RHOBTB2: variants seen among roughly 807,000 people sequenced by gnomAD.
The protein encoded by RHOBTB2 is Rho related BTB domain containing 2.
A neutral mutation model predicts 66.5 loss-of-function variants in RHOBTB2; 39 were observed. The observed-to-expected ratio is 0.59, with a 90% CI of 0.45 to 0.77. The LOEUF (loss-of-function observed/expected upper bound fraction) is 0.77. Ranked by LOEUF, RHOBTB2 falls within the 30% of genes least tolerant of loss-of-function variation. The pLI is 0.00. For synonymous variants in RHOBTB2, 390 were observed against 395.0 expected, an observed-to-expected ratio of 0.99 and a Z score of 0.15; for missense variants, 755 against 999.1, an observed-to-expected ratio of 0.76 and a Z score of 3.29.
chr8:22,978,928 G>A, the RHOBTB2 span, among the ~76,000 whole-genome samples: 1 of 152,054 alleles, frequency 6.6e-6, no homozygotes, highest in Non-Finnish European at 1.5e-5. Context: ...TTTACAGAAA[G>A]TAGTTCCCTG....
chr8:22,974,746 C>T, the RHOBTB2 span, among the ~76,000 whole-genome samples: 1 of 152,100 alleles, frequency 6.6e-6, no homozygotes. Flanking sequence ...ATCACATGAC[C>T]AGCAGGGGGA....
At position 23,006,113 on chromosome 8, in the gene RHOBTB2, G is replaced by T. The variant is rs1810942232; in HGVS notation, c.450G>T (p.Glu150Asp). Reference sequence around the variant, plus strand: ...TGGACCTGCGCTACGCTGACCTGGAGGCTGTCAACAGGGCTAGGCGACCCT... The same window carrying T: ...TGGACCTGCGCTACGCTGACCTGGATGCTGTCAACAGGGCTAGGCGACCCT... Reference protein sequence around the residue: ...CQLDLRYADLEAVNRARRPLA... With the variant: ...CQLDLRYADLDAVNRARRPLA... Residue 150 changes from glutamate (E) to aspartate (D), a missense_variant, in exon 4 of 10, where the codon GAG becomes GAT. Glu to Asp is a conservative substitution (Grantham distance 45). This residue lies in a region of RHOBTB2 where 20 missense variants were observed against 59.0 expected (regional missense o/e 0.34). Coordinates refer to ENST00000251822, the MANE Select transcript of RHOBTB2 (RefSeq NM_015178.3). The surrounding 1 kb of genome is among the most constrained non-coding windows in gnomAD (Gnocchi z 6.1). The T allele has an allele frequency of 6.2e-7, 1 of 1,613,914 alleles. No homozygotes were observed. The highest frequency in any genetic ancestry group is 1.1e-5 in the South Asian group (1 of 91,064).
intron 8 of RHOBTB2, among the ~76,000 whole-genome samples, chr8:23,015,423 AGAT>A (rs1270895882): frequency 6.6e-6 from 1 of 151,996 alleles, no homozygotes; most frequent in Non-Finnish European, 1.5e-5. Context: ...AACAGAGGTG[AGAT>A]GATGGTGGTG....
chr8:22,965,209 T>C, the RHOBTB2 span, among the ~76,000 whole-genome samples: 2 of 152,190 alleles, frequency 1.3e-5, no homozygotes, highest in Non-Finnish European at 2.9e-5. Flanking sequence ...TGCTATAGAC[T>C]AACCCAAATA....
At chr8:22,974,955 G>A in the RHOBTB2 span, among the ~76,000 whole-genome samples, 7 of 152,062 alleles carry the variant, frequency 4.6e-5, no homozygotes, top group African/African-American at 1.4e-4. Context: ...GTTATCTCCT[G>A]GATCAATGTT....
At chr8:22,968,869 G>A in the RHOBTB2 span, among the ~76,000 whole-genome samples, 1 of 151,110 alleles carries the variant, frequency 6.6e-6, no homozygotes, top group Non-Finnish European at 1.5e-5. Context: ...ATATTGGAGA[G>A]GGAAAGGCCT....
At chr8:22,978,576 T>C in the RHOBTB2 span, among the ~76,000 whole-genome samples, 12 of 150,926 alleles carry the variant, frequency 8.0e-5, no homozygotes, top group Non-Finnish European at 1.0e-4. Context: ...TATTGTACTT[T>C]TTTTTTTTTT....
intron 7 of RHOBTB2, among the ~76,000 whole-genome samples, chr8:23,012,868 A>G (rs1256834286): frequency 2.6e-5 from 4 of 152,090 alleles, no homozygotes; most frequent in African/African-American, 9.7e-5. Context: ...CAGTGGTGCA[A>G]TCCTGGCTCA....
At chr8:22,961,015 A>G in the RHOBTB2 span, among the ~76,000 whole-genome samples, 1 of 152,146 alleles carries the variant, frequency 6.6e-6, no homozygotes, top group Admixed American at 6.6e-5. Context: ...AATTTGGCCT[A>G]AGAATGCTTC....
At chr8:22,993,177 G>A (rs1023975156) in intron 2 of RHOBTB2, among the ~76,000 whole-genome samples, 2 of 151,964 alleles carry the variant, frequency 1.3e-5, no homozygotes, top group African/African-American at 4.8e-5. Flanking sequence ...TTTTTGAGGG[G>A]AGAATGTGTT....
At chr8:23,016,954 AC>A (rs1298030587) in intron 9 of RHOBTB2, among the ~76,000 whole-genome samples, 4 of 151,982 alleles carry the variant, frequency 2.6e-5, no homozygotes, top group Non-Finnish European at 5.9e-5. Context: ...ACATTCGCTT[AC>A]CCCTTCTCCC....
At chr8:22,971,588 C>A in the RHOBTB2 span, among the ~76,000 whole-genome samples, 4 of 152,198 alleles carry the variant, frequency 2.6e-5, no homozygotes, top group East Asian at 7.7e-4. Context: ...AAGAACAAGG[C>A]CAGCTTGTTC....
chr8:22,958,802 GAAAAAAAA>G, the RHOBTB2 span, among the ~76,000 whole-genome samples: 171 of 52,180 alleles, frequency 3.3e-3, 1 homozygote, highest in African/African-American at 0.012. Context: ...GCCCCTCTCT[GAAAAAAAA>G]AAAAAAAAAA....
upstream of RHOBTB2, among the ~76,000 whole-genome samples, chr8:22,995,106 T>A (rs531876607): frequency 7.9e-5 from 12 of 152,252 alleles, no homozygotes; most frequent in South Asian, 1.4e-3. Flanking sequence ...TTTTAAAAAT[T>A]TTTTTTAATA....
chr8:22,956,509 C>A, the RHOBTB2 span, among the ~76,000 whole-genome samples: 2 of 152,172 alleles, frequency 1.3e-5, no homozygotes, highest in African/African-American at 4.8e-5. Flanking sequence ...GCTCACTCCC[C>A]CTTTGCCTTC....
At chr8:23,009,176 G>GAGAGAA (rs1554504936) in intron 6 of RHOBTB2, among the ~76,000 whole-genome samples, 2 of 139,216 alleles carry the variant, frequency 1.4e-5, no homozygotes, top group Non-Finnish European at 3.1e-5. Context: ...AAAAAAGAGA[G>GAGAGAA]AGAGAGAGAA....
the RHOBTB2 span, among the ~76,000 whole-genome samples, chr8:22,975,591 T>C: frequency 2.0e-5 from 3 of 152,112 alleles, no homozygotes; most frequent in Non-Finnish European, 2.9e-5. Context: ...AGAACTAGGC[T>C]TGGACTAGAG....
chr8:22,979,692 T>TC, the RHOBTB2 span, among the ~76,000 whole-genome samples: 1 of 151,164 alleles, frequency 6.6e-6, no homozygotes. Flanking sequence ...TTATGGGAAT[T>TC]CTTTTTTTTT....
chr8:23,002,971 C>T (rs1810830343), intron 1 of RHOBTB2, among the ~76,000 whole-genome samples: 1 of 152,242 alleles, frequency 6.6e-6, no homozygotes, highest in Admixed American at 6.5e-5. Flanking sequence ...CATCCAGTTA[C>T]AGCCCAGCAG....
Sources: allele counts gnomAD v4.1 joint callset (sites outside exome capture counted in the v4.1 genomes callset), GRCh38; gene constraint gnomAD v4.1.1; regional missense constraint gnomAD v4.1.1; non-coding constraint Gnocchi (gnomAD v3.1); transcripts MANE v1.5; gene names NCBI Gene and HGNC (gene_info 2026-07-23, HGNC 2026-07-21).